The following ITPR1 variants were observed in gnomAD, a reference collection of about 807,000 sequenced individuals.
ITPR1 encodes inositol 1,4,5-trisphosphate-gated calcium channel ITPR1.
Under a neutral mutation model 318.4 loss-of-function variants are expected in ITPR1, and 96 were observed. The observed-to-expected ratio is 0.30, with a 90% CI of 0.26 to 0.36. The LOEUF (loss-of-function observed/expected upper bound fraction) is 0.36, where lower values mean the gene tolerates loss of function less well. Among genes scored for constraint, ITPR1 ranks in the 10% least tolerant of loss-of-function variants. ITPR1 has a pLI of 1.00. For synonymous variants in ITPR1, 1,312 were observed against 1,289.9 expected, an observed-to-expected ratio of 1.02 and a Z score of -0.37; for missense variants, 2,440 against 3,460.2, an observed-to-expected ratio of 0.71 and a Z score of 7.40.
At chr3:4,768,244 G>A (rs768552998) in intron 45 of ITPR1, 2 of 349,542 alleles carry the variant, frequency 5.7e-6, no homozygotes, top group Non-Finnish European at 1.0e-5. Context: ...GATGTGTGAG[G>A]CTGACAGAAC....
intron 53 of ITPR1, among the ~76,000 whole-genome samples, chr3:4,799,411 C>G (rs1048069209): frequency 6.6e-6 from 1 of 152,134 alleles, no homozygotes; most frequent in Non-Finnish European, 1.5e-5. Context: ...CTGGGGGGAA[C>G]AGTTGTTAAA....
intron 4 of ITPR1, among the ~76,000 whole-genome samples, chr3:4,615,862 G>T (rs534102498): frequency 6.6e-6 from 1 of 152,162 alleles, no homozygotes; most frequent in African/African-American, 2.4e-5. Flanking sequence ...GGTGGTTAAA[G>T]GCAGAGGGCA....
intron 4 of ITPR1, among the ~76,000 whole-genome samples, chr3:4,537,568 G>T (rs768420151): frequency 6.6e-6 from 1 of 152,214 alleles, no homozygotes; most frequent in African/African-American, 2.4e-5. Context: ...GAGATGGGGA[G>T]AGTATCCTGG....
At chr3:4,622,509 C>T (rs534448321) in intron 4 of ITPR1, among the ~76,000 whole-genome samples, 10 of 147,272 alleles carry the variant, frequency 6.8e-5, no homozygotes, top group South Asian at 2.2e-4. Context: ...CTGCAACCTC[C>T]GCCTCCCGGG....
chr3:4,649,194 G>T (rs549335298), intron 10 of ITPR1, among the ~76,000 whole-genome samples: 40 of 152,182 alleles, frequency 2.6e-4, no homozygotes, highest in Non-Finnish European at 5.6e-4. Context: ...GTGAAGTGTT[G>T]TTTCACTGAT....
chr3:4,835,987 T>C (rs1034775364), intron 60 of ITPR1, among the ~76,000 whole-genome samples: 3 of 152,194 alleles, frequency 2.0e-5, no homozygotes, highest in Admixed American at 2.0e-4. Context: ...GAGTGGTTTC[T>C]ATAAGCTCAT....
chr3:4,693,403 C>T, intron 32 of ITPR1, 87 bp from the exon 33 acceptor site: 1 of 1,424,896 alleles, frequency 7.0e-7, no homozygotes, highest in Non-Finnish European at 9.7e-7. Flanking sequence ...GCTAACAGAA[C>T]CTCTCTCTTC....
At chr3:4,553,758 G>A (rs1343323862) in intron 4 of ITPR1, among the ~76,000 whole-genome samples, 30 of 152,130 alleles carry the variant, frequency 2.0e-4, no homozygotes, top group Non-Finnish European at 7.4e-5. Flanking sequence ...CCACCACCAC[G>A]CCTGGCTAAT....
intron 48 of ITPR1, among the ~76,000 whole-genome samples, chr3:4,777,765 G>C (rs1439261107): frequency 6.8e-6 from 1 of 147,204 alleles, no homozygotes; most frequent in African/African-American, 2.5e-5. Flanking sequence ...TTGAAGAATA[G>C]TACAACTAAG....
chr3:4,601,793 T>C (rs895315833), intron 4 of ITPR1, among the ~76,000 whole-genome samples: 2 of 152,096 alleles, frequency 1.3e-5, no homozygotes, highest in Non-Finnish European at 2.9e-5. Context: ...ATACTTTCAA[T>C]TTTTTTTATG....
intron 10 of ITPR1, 148 bp downstream of exon 10, chr3:4,645,876 A>T (rs2093444664): frequency 1.4e-6 from 1 of 695,406 alleles, no homozygotes; most frequent in Non-Finnish European, 2.4e-6. Flanking sequence ...ACACACACAC[A>T]GAATACATGT....
intron 60 of ITPR1, among the ~76,000 whole-genome samples, chr3:4,821,157 A>G (rs1362698388): frequency 6.6e-6 from 1 of 152,228 alleles, no homozygotes; most frequent in Non-Finnish European, 1.5e-5. Flanking sequence ...GCAGTGGCAG[A>G]GATGGAAGGA....
Position 4,685,167 on chromosome 3 carries a change from C to T in ITPR1, c.3663C>T (p.His1221=), listed in dbSNP as rs766956621. 1.2e-5 allele frequency: 20 copies of T among 1,607,076 alleles called. 1 individual carries two copies. Among genetic ancestry groups the T allele is most frequent in the Non-Finnish European group, 1.5e-5 (18 of 1,178,632 alleles). ...GTCTGCTCCGGAACATGGGCGCGCA[C>T]GCCGTGGTGCTGGAGCTGCTGCAGA... The part of the protein sequence containing the change: ...QQRLLRNMGA[H]AVVLELLQIP... The change falls in exon 30 of 62, where the codon CAC becomes CAT. Residue 1221 remains histidine, a synonymous_variant. Coordinates refer to ENST00000649015, the MANE Select transcript of ITPR1 (RefSeq NM_001378452.1).
At chr3:4,605,043 C>G (rs2091601279) in intron 4 of ITPR1, among the ~76,000 whole-genome samples, 1 of 152,032 alleles carries the variant, frequency 6.6e-6, no homozygotes, top group African/African-American at 2.4e-5. Flanking sequence ...ACAATCTTGG[C>G]TCACTGCAAC....
chr3:4,738,445 G>C (rs78899801), intron 44 of ITPR1, among the ~76,000 whole-genome samples: 2 of 152,198 alleles, frequency 1.3e-5, no homozygotes, highest in African/African-American at 4.8e-5. Flanking sequence ...CTTGGTAAAT[G>C]TTGGCTGAAA....
chr3:4,615,489 G>A (rs1267414949), intron 4 of ITPR1, among the ~76,000 whole-genome samples: 2 of 149,254 alleles, frequency 1.3e-5, no homozygotes, highest in African/African-American at 4.9e-5. Context: ...TGATTCTCCT[G>A]CCTCAGCCTC....
intron 4 of ITPR1, among the ~76,000 whole-genome samples, chr3:4,619,589 TGCCCTCCCCTGCTCTCCTC>T (rs1559548893): frequency 1.3e-4 from 4 of 30,414 alleles, no homozygotes; most frequent in African/African-American, 7.9e-4. Flanking sequence ...CCCCTTCCCC[TGCCCTCCCCTGCTCTCCTC>T]TGCCCTCCCC....
chr3:4,617,019 A>T (rs1414262709), intron 4 of ITPR1, among the ~76,000 whole-genome samples: 2 of 151,972 alleles, frequency 1.3e-5, no homozygotes, highest in African/African-American at 4.8e-5. Flanking sequence ...TAGTGAGATC[A>T]GAGAACCTAT....
chr3:4,534,128 A>G lies in ITPR1; in HGVS notation c.163+13034A>G, dbSNP rs570674712. On this transcript the variant is annotated intron_variant, in intron 4 of 61. Transcript: ENST00000649015. ...AGAGGCTACTTCTTTTTCTCTTTTAATAGATTTAGGGGATACAAGTGCAGT... is the reference window on the plus strand; with the variant it reads ...AGAGGCTACTTCTTTTTCTCTTTTAGTAGATTTAGGGGATACAAGTGCAGT... 2.9e-3 allele frequency among the ~76,000 whole-genome samples: 448 copies of G among 152,268 alleles called. 4 individuals are homozygous for G. Among genetic ancestry groups the G allele is most frequent in the Non-Finnish European group, 4.3e-3 (294 of 68,024 alleles).
Sources: allele counts gnomAD v4.1 joint callset (sites outside exome capture counted in the v4.1 genomes callset), GRCh38; gene constraint gnomAD v4.1.1; transcripts MANE v1.5; gene names NCBI Gene and HGNC (gene_info 2026-07-23, HGNC 2026-07-21).